SEMA6D: variants seen among roughly 807,000 people sequenced by gnomAD.
SEMA6D encodes the protein semaphorin 6D, also known as semaphorin-6D.
A neutral mutation model predicts 106.6 loss-of-function variants in SEMA6D; 35 were observed. That is an observed-to-expected ratio of 0.33 (90% confidence interval 0.25 to 0.44). The LOEUF is 0.44. Among genes scored for constraint, SEMA6D ranks in the 20% least tolerant of loss-of-function variants. The pLI, the probability that SEMA6D is intolerant of heterozygous loss-of-function variation, is 1.00. For missense variants in SEMA6D, 1,185 were observed against 1,345.9 expected, an observed-to-expected ratio of 0.88 and a Z score of 1.87; for synonymous variants, 499 against 487.7, an observed-to-expected ratio of 1.02 and a Z score of -0.31.
At chr15:47,253,567 C>T (rs4775674) in intron 1 of SEMA6D, among the ~76,000 whole-genome samples, 148,663 of 152,162 alleles carry the variant, frequency 0.98, 72,724 homozygotes, top group Middle Eastern at 1. Context: ...AGTTTCCTAC[C>T]TCTGCATATG....
rs150591628 is a variant in SEMA6D at position 47,633,172 on chromosome 15, A to T, written c.-55+32276A>T. The stretch of plus-strand genomic sequence containing the variant: ...GTTTTAAGAAGTTCATGAGAAGTAG[A>T]TACTTGATTATAGTTATTCTTATGT... On this transcript the variant is annotated intron_variant, in intron 4 of 19. Coordinates refer to the SEMA6D transcript ENST00000558014. Among the ~76,000 whole-genome samples, 305 of 152,262 alleles carry T rather than the reference A, an allele frequency of 2.0e-3. 6 individuals are homozygous for T. In the East Asian group the frequency reaches 0.051, roughly 25 times the overall value.
chr15:47,185,002 G>T (rs1312802743), intron 1 of SEMA6D, among the ~76,000 whole-genome samples: 1 of 152,150 alleles, frequency 6.6e-6, no homozygotes, highest in African/African-American at 2.4e-5. Context: ...GGTTTAGAGG[G>T]GAAGGGGTGG....
At chr15:47,370,251 A>T (rs1414952305) in intron 1 of SEMA6D, among the ~76,000 whole-genome samples, 1 of 152,194 alleles carries the variant, frequency 6.6e-6, no homozygotes, top group East Asian at 1.9e-4. Flanking sequence ...TCTGTGGTTC[A>T]CACCTGTAAT....
At chr15:47,315,262 A>T (rs2036619597) in intron 1 of SEMA6D, among the ~76,000 whole-genome samples, 1 of 152,110 alleles carries the variant, frequency 6.6e-6, no homozygotes, top group African/African-American at 2.4e-5. Context: ...TTTTGAGTTA[A>T]TTCTTGTAAA....
intron 1 of SEMA6D, among the ~76,000 whole-genome samples, chr15:47,385,662 A>G (rs748724147): frequency 1.3e-5 from 2 of 150,550 alleles, no homozygotes; most frequent in Non-Finnish European, 1.5e-5. Flanking sequence ...GTACATTAGA[A>G]CTACAGCAAT....
chr15:47,365,110 C>T (rs998470188), intron 1 of SEMA6D, among the ~76,000 whole-genome samples: 50 of 152,216 alleles, frequency 3.3e-4, no homozygotes, highest in African/African-American at 1.2e-3. Context: ...TAAAAGGCTC[C>T]GAGAGGATAT....
chr15:47,370,173 A>T (rs555138821), intron 1 of SEMA6D, among the ~76,000 whole-genome samples: 23 of 152,276 alleles, frequency 1.5e-4, no homozygotes, highest in Admixed American at 5.2e-4. Flanking sequence ...TAACTTGAAA[A>T]ACTGAGGGCT....
upstream of SEMA6D, among the ~76,000 whole-genome samples, chr15:47,716,282 A>C (rs373123661): frequency 1.1e-4 from 16 of 152,246 alleles, no homozygotes; most frequent in African/African-American, 3.6e-4. Flanking sequence ...AGTTCTCCGG[A>C]TGAGTCCTGC....
chr15:47,527,930 C>T (rs551095916), intron 3 of SEMA6D, among the ~76,000 whole-genome samples: 52 of 152,192 alleles, frequency 3.4e-4, no homozygotes, highest in Middle Eastern at 3.4e-3. Context: ...ATTTTAAGGC[C>T]AGGTTTCCCA....
At position 47,763,000 on chromosome 15, in the gene SEMA6D, T is replaced by G. The variant is rs1352506130; in HGVS notation, c.659-16T>G. 1 of 1,599,342 alleles carries G rather than the reference T, an allele frequency of 6.3e-7. No homozygotes were observed. Among genetic ancestry groups the G allele is most frequent in the Admixed American group, 1.7e-5 (1 of 58,704 alleles). ...TTATCCTTTAGGAACCAGTTTGTTTTTAATTTTTCTTTCAGAGCCACACTT... is the reference window on the plus strand; with the variant it reads ...TTATCCTTTAGGAACCAGTTTGTTTGTAATTTTTCTTTCAGAGCCACACTT... On this transcript the variant is annotated splice_polypyrimidine_tract_variant and intron_variant, in intron 8 of 18. Transcript: ENST00000536845.
chr15:47,566,791 T>C (rs1216354519), intron 3 of SEMA6D, among the ~76,000 whole-genome samples: 6 of 152,214 alleles, frequency 3.9e-5, no homozygotes, highest in Non-Finnish European at 8.8e-5. Flanking sequence ...TGGAAAGTGT[T>C]GCTTCCAGTG....
chr15:47,664,990 TG>T (rs1286765821), intron 4 of SEMA6D, among the ~76,000 whole-genome samples: 1 of 151,890 alleles, frequency 6.6e-6, no homozygotes, highest in Non-Finnish European at 1.5e-5. Flanking sequence ...TTAATGGAGG[TG>T]GGGGGGCGTG....
intron 1 of SEMA6D, among the ~76,000 whole-genome samples, chr15:47,350,330 A>C (rs2144771530): frequency 6.6e-6 from 1 of 152,336 alleles, no homozygotes; most frequent in Admixed American, 6.5e-5. Flanking sequence ...AGCATATAAA[A>C]ATAAATGTTA....
intron 1 of SEMA6D, among the ~76,000 whole-genome samples, chr15:47,316,621 T>TTTTTATTA (rs2036692082): frequency 6.6e-6 from 1 of 150,508 alleles, no homozygotes. Flanking sequence ...TTTTTTTTTT[T>TTTTTATTA]ATCATAAATG....
intron 1 of SEMA6D, among the ~76,000 whole-genome samples, chr15:47,735,023 C>T (rs2080361751): frequency 6.6e-6 from 1 of 152,104 alleles, no homozygotes; most frequent in Non-Finnish European, 1.5e-5. Context: ...CCAGAAGAGA[C>T]TTAACTCACT....
At chr15:47,365,578 G>A (rs536463440) in intron 1 of SEMA6D, among the ~76,000 whole-genome samples, 5 of 152,008 alleles carry the variant, frequency 3.3e-5, no homozygotes, top group Non-Finnish European at 5.9e-5. Context: ...AACAGAATCC[G>A]GGCCGGGCAT....
At chr15:47,743,576 C>T (rs1192523536) in intron 1 of SEMA6D, among the ~76,000 whole-genome samples, 1 of 152,040 alleles carries the variant, frequency 6.6e-6, no homozygotes, top group African/African-American at 2.4e-5. Context: ...GTGATATGTG[C>T]TCTGATGAAA....
intron 3 of SEMA6D, among the ~76,000 whole-genome samples, chr15:47,586,451 A>G (rs2076341244): frequency 6.6e-6 from 1 of 152,202 alleles, no homozygotes; most frequent in East Asian, 1.9e-4. Context: ...AACTTCAGTG[A>G]GCCTTAATTA....
rs189618086 is a variant in SEMA6D, at chr15:47,533,948, A to G, written c.-87+63403A>G. The stretch of plus-strand genomic sequence containing the variant: ...TTATGAGTAATGTAAGTGCTTTTTA[A>G]AAGTTTCATTGTAAAATGTTACTGA... On this transcript the variant is annotated intron_variant, in intron 3 of 19. Transcript: ENST00000558014. Among the ~76,000 whole-genome samples the G allele has an allele frequency of 5.3e-5, 8 of 152,340 alleles. No homozygotes were observed. In the East Asian group the frequency reaches 1.4e-3, roughly 26 times the overall value.
Sources: allele counts gnomAD v4.1 joint callset (sites outside exome capture counted in the v4.1 genomes callset), GRCh38; gene constraint gnomAD v4.1.1; transcripts MANE v1.5; gene names NCBI Gene and HGNC (gene_info 2026-07-23, HGNC 2026-07-21).